EIPR1: variants seen among roughly 807,000 people sequenced by gnomAD.
The protein encoded by EIPR1 is EARP complex and GARP complex interacting protein 1, also known as EARP and GARP complex-interacting protein 1.
In EIPR1, 25 loss-of-function variants were observed where a neutral mutation model predicts 48.1. The ratio of observed to expected loss-of-function variants is 0.52; its 90% CI spans 0.38 to 0.73. The LOEUF is 0.73. Among genes scored for constraint, EIPR1 ranks in the 30% least tolerant of loss-of-function variants. The pLI is 0.00. For missense variants in EIPR1, 415 were observed against 506.2 expected (o/e 0.82, Z 1.73); for synonymous variants, 204 against 201.9 (o/e 1.01, Z -0.09).
chr2:3,255,792 CG>C lies in EIPR1; in HGVS notation c.416+1506del, dbSNP rs1301276447. Among the ~76,000 whole-genome samples the C allele has an allele frequency of 2.7e-5, 4 of 150,596 alleles. No homozygotes were observed. The East Asian group carries it at 8.0e-4, about 30-fold the overall frequency. ...TCCCTGGTGCCGGTGTCTCCTGCAA[CG>C]TGTACACACATTAACACATACACAA... On this transcript the variant is annotated intron_variant, in intron 4 of 8. Coordinates refer to ENST00000382125, the MANE Select transcript of EIPR1 (RefSeq NM_003310.5).
intron 4 of EIPR1, among the ~76,000 whole-genome samples, chr2:3,238,454 T>C (rs574668390): frequency 1.3e-5 from 2 of 152,308 alleles, no homozygotes; most frequent in Non-Finnish European, 1.5e-5. Flanking sequence ...ATGCTGATTG[T>C]TCTCTTCTGC....
chr2:3,295,018 T>A (rs1218201440), intron 3 of EIPR1, among the ~76,000 whole-genome samples: 1 of 92,252 alleles, frequency 1.1e-5, no homozygotes, highest in Non-Finnish European at 2.1e-5. Flanking sequence ...ATCCAGCCCA[T>A]ACTCTCTGCA....
At chr2:3,237,857 G>C (rs1666463675) in intron 4 of EIPR1, among the ~76,000 whole-genome samples, 1 of 152,196 alleles carries the variant, frequency 6.6e-6, no homozygotes, top group South Asian at 2.1e-4. Flanking sequence ...GCCCGCACAC[G>C]GCTGCTGTTC....
In EIPR1 at chr2:3,189,121, T is replaced by C; in HGVS notation, c.*213A>G. On this transcript the variant is annotated 3_prime_UTR_variant, in exon 9 of 9. Transcript: ENST00000382125. This position sits in a 1 kb window ranked among gnomAD's most constrained non-coding sequence, Gnocchi z 4.6. Reference sequence around the variant, plus strand: ...ACATAATAATGTGGGGCTCTGTCTCTGCCGACAGGGGCTGGGTTCGGGCAT... The same window carrying C: ...ACATAATAATGTGGGGCTCTGTCTCCGCCGACAGGGGCTGGGTTCGGGCAT... 1 of 423,622 alleles carries C rather than the reference T, an allele frequency of 2.4e-6. No individual in the cohort carries two copies. 26.2% of individuals were successfully genotyped at this position (423,622 alleles called of 1,614,324 possible). A position where few individuals can be genotyped will look rare whatever the true frequency, so the allele number is the denominator to read the frequency against.
intron 1 of EIPR1, among the ~76,000 whole-genome samples, chr2:3,365,708 CA>C (rs1477549239): frequency 2.7e-5 from 4 of 150,848 alleles, no homozygotes; most frequent in Non-Finnish European, 4.4e-5. Context: ...CTGCTGCCTT[CA>C]AGCATCTGTT....
In EIPR1 at chr2:3,307,002, C is replaced by G. The variant is rs1668967301; in HGVS notation, c.259+31015G>C. Among the ~76,000 whole-genome samples, 3 of 151,774 alleles carry G rather than the reference C, an allele frequency of 2.0e-5. No individual in the cohort carries two copies. In the South Asian group the frequency reaches 6.2e-4, roughly 32 times the overall value. On this transcript the variant is annotated intron_variant, in intron 3 of 8. Coordinates refer to ENST00000382125, the MANE Select transcript of EIPR1 (RefSeq NM_003310.5). ...TTATTTTTTTGGAGGGAGTCTTGCT[C>G]TATTGCCCAGGCTGGAGTGGCGTGA...
At chr2:3,315,024 A>G (rs1015189373) in intron 3 of EIPR1, among the ~76,000 whole-genome samples, 2 of 150,730 alleles carry the variant, frequency 1.3e-5, no homozygotes, top group Non-Finnish European at 3.0e-5. Context: ...ACTTACTCAC[A>G]TGTCCCCACC....
chr2:3,341,894 T>A (rs942196903), intron 2 of EIPR1, among the ~76,000 whole-genome samples: 1 of 152,064 alleles, frequency 6.6e-6, no homozygotes, highest in African/African-American at 2.4e-5. Context: ...ATGAAGAAAA[T>A]TTATTCTTTA....
At position 3,193,958 on chromosome 2, in the gene EIPR1, C is replaced by G. The variant is rs376420414; in HGVS notation, c.821+41G>C. ...GTAAAGTAATTAGCAAAATCAATTG[C>G]GTAATCCCCTCCTCCCTGAAGCAGC... On this transcript the variant is annotated intron_variant, in intron 7 of 8. Transcript: ENST00000382125. 221 of 1,606,210 alleles carry G rather than the reference C, an allele frequency of 1.4e-4. No individual in the cohort carries two copies. In the African/African-American group the frequency reaches 2.5e-3, roughly 18 times the overall value.
intron 5 of EIPR1, among the ~76,000 whole-genome samples, chr2:3,209,560 C>T (rs551598257): frequency 1.2e-4 from 19 of 152,308 alleles, no homozygotes; most frequent in South Asian, 8.3e-4. Context: ...AAGCAGGAGA[C>T]GATCTTCAGC....
chr2:3,239,691 C>T (rs1447757587), intron 4 of EIPR1, among the ~76,000 whole-genome samples: 1 of 151,496 alleles, frequency 6.6e-6, no homozygotes, highest in Non-Finnish European at 1.5e-5. Flanking sequence ...GGCGTCCCTT[C>T]CTGGCTGCTC....
intron 4 of EIPR1, among the ~76,000 whole-genome samples, chr2:3,240,335 T>TCCTTCCTAAAGCAAAGCCAGCAGAC (rs1666565165): frequency 1.4e-5 from 2 of 139,476 alleles, no homozygotes; most frequent in African/African-American, 2.7e-5. Flanking sequence ...AGCCAGCAGA[T>TCCTTCCTAAAGCAAAGCCAGCAGAC]CCTTCCTAAA....
chr2:3,285,003 G>A (rs985364627), intron 3 of EIPR1, among the ~76,000 whole-genome samples: 1 of 152,164 alleles, frequency 6.6e-6, no homozygotes, highest in Non-Finnish European at 1.5e-5. Flanking sequence ...ATTGTACAAG[G>A]GCAAGATAGT....
In EIPR1 at chr2:3,354,576, T is replaced by C; in HGVS notation, c.100A>G (p.Thr34Ala). 6.2e-7 allele frequency: 1 copy of C among 1,614,132 alleles called. No homozygotes were observed. Among genetic ancestry groups the C allele is most frequent in the Non-Finnish European group, 8.5e-7 (1 of 1,179,998 alleles). ...TGATTATCATATTTAAGAGACTGCGTCCCAACCAAAAACCGAATGGCATCT... is the reference window on the plus strand; with the variant it reads ...TGATTATCATATTTAAGAGACTGCGCCCCAACCAAAAACCGAATGGCATCT... Reference protein sequence around the residue: ...ETDAIRFLVGTQSLKYDNQIH... With the variant: ...ETDAIRFLVGAQSLKYDNQIH... The change falls in exon 2 of 9, where the codon ACG becomes GCG. Residue 34 changes from threonine to alanine, a missense_variant. Transcript: ENST00000382125.
intron 1 of EIPR1, among the ~76,000 whole-genome samples, chr2:3,375,461 C>T (rs1034575808): frequency 1.3e-5 from 2 of 151,732 alleles, no homozygotes; most frequent in African/African-American, 2.4e-5. Context: ...AAGATAAAAT[C>T]CTCTGGGTTT....
At chr2:3,377,549 C>T in intron 1 of EIPR1, 99 bp downstream of exon 1, 1 of 1,452,606 alleles carries the variant, frequency 6.9e-7, no homozygotes, top group South Asian at 1.3e-5. Context: ...CGGGTCCTTG[C>T]AGGGCTGGTG....
At chr2:3,277,656 G>C (rs1009456362) in intron 3 of EIPR1, among the ~76,000 whole-genome samples, 1 of 152,174 alleles carries the variant, frequency 6.6e-6, no homozygotes, top group South Asian at 2.1e-4. Flanking sequence ...GCTGAGTAAC[G>C]CCCACCTGCT....
Position 3,332,095 on chromosome 2 carries a change from A to C in EIPR1, c.259+5922T>G, listed in dbSNP as rs113469450. Among the ~76,000 whole-genome samples the C allele has an allele frequency of 1.1e-3, 166 of 151,308 alleles. 4 individuals carry two copies. The highest frequency in any genetic ancestry group is 3.8e-3 in the African/African-American group (156 of 40,664). ...AGCAGAGGCAGGTGTGTATACACTC[A>C]TGAGATGGTGTCAGCAGAGGCAGGC... On this transcript the variant is annotated intron_variant, in intron 3 of 8. Transcript: ENST00000382125.
At chr2:3,321,207 T>C (rs1325382248) in intron 3 of EIPR1, among the ~76,000 whole-genome samples, 1 of 152,170 alleles carries the variant, frequency 6.6e-6, no homozygotes, top group Non-Finnish European at 1.5e-5. Context: ...GTGCTATTTC[T>C]TGGCACCAGC....
Sources: gnomAD v4.1 joint callset for allele counts (sites outside exome capture counted in the v4.1 genomes callset) on GRCh38, gnomAD v4.1.1 for gene constraint, Gnocchi (gnomAD v3.1) non-coding constraint, MANE v1.5 for transcripts, NCBI Gene and HGNC (gene_info 2026-07-23, HGNC 2026-07-21) for gene names.